HS6ST3: variants seen among roughly 807,000 people sequenced by gnomAD.
HS6ST3 encodes heparan sulfate 6-O-sulfotransferase 3, also known as heparan-sulfate 6-O-sulfotransferase 3.
In HS6ST3, 12 loss-of-function variants were observed where a neutral mutation model predicts 36.7. The ratio of observed to expected loss-of-function variants is 0.33; its 90% confidence interval spans 0.21 to 0.53. HS6ST3 has a LOEUF of 0.53. Ranked by LOEUF, HS6ST3 falls within the 20% of genes least tolerant of loss-of-function variation. The probability of loss-of-function intolerance (pLI) is 0.95; values close to 1 mark genes in which losing one functional copy is unlikely to be tolerated. For synonymous variants in HS6ST3, 240 were observed against 257.5 expected (o/e 0.93, Z 0.65); for missense variants, 584 against 640.9 (o/e 0.91, Z 0.96).
chr13:96,703,614 A>G (rs1417865150), intron 1 of HS6ST3, among the ~76,000 whole-genome samples: 4 of 152,054 alleles, frequency 2.6e-5, no homozygotes, highest in Non-Finnish European at 4.4e-5. Context: ...ATTATGTTCT[A>G]TTTGCTGGAT....
At chr13:96,114,295 G>A (rs969104673) in intron 1 of HS6ST3, among the ~76,000 whole-genome samples, 2 of 152,044 alleles carry the variant, frequency 1.3e-5, no homozygotes, top group Non-Finnish European at 2.9e-5. Context: ...TGGGCTACAA[G>A]GTTGTCACCG....
At position 96,128,882 on chromosome 13, in the gene HS6ST3, T is replaced by C. The variant is rs570438937; in HGVS notation, c.707+37313T>C. On this transcript the variant is annotated intron_variant, in intron 1 of 1. Coordinates refer to ENST00000376705, the MANE Select transcript of HS6ST3 (RefSeq NM_153456.4). ...TTTTTTTTTGGCGGAGTTTTGCTCT[T>C]GTTGCCAGACTGGAGTGCATTGGGG... Among the ~76,000 whole-genome samples, 11 of 152,048 alleles carry C rather than the reference T, an allele frequency of 7.2e-5. No individual in the cohort carries two copies. In the South Asian group the frequency reaches 2.3e-3, roughly 32 times the overall value.
intron 1 of HS6ST3, among the ~76,000 whole-genome samples, chr13:96,793,466 G>C (rs187932864): frequency 6.6e-6 from 1 of 152,060 alleles, no homozygotes; most frequent in African/African-American, 2.4e-5. Flanking sequence ...ATTGATAAAT[G>C]TGATGGCAAG....
intron 1 of HS6ST3, among the ~76,000 whole-genome samples, chr13:96,359,423 T>G (rs1285865079): frequency 6.6e-6 from 1 of 152,236 alleles, no homozygotes; most frequent in Non-Finnish European, 1.5e-5. Flanking sequence ...TGTCTACTTA[T>G]GTAGGTTGAT....
At chr13:96,798,742 A>G (rs1039963138) in intron 1 of HS6ST3, among the ~76,000 whole-genome samples, 1 of 151,836 alleles carries the variant, frequency 6.6e-6, no homozygotes, top group Non-Finnish European at 1.5e-5. Flanking sequence ...GTGTGTCTCC[A>G]TGTGTGTGTA....
chr13:96,431,962 C>T (rs573030452), intron 1 of HS6ST3, among the ~76,000 whole-genome samples: 6 of 152,166 alleles, frequency 3.9e-5, no homozygotes, highest in Non-Finnish European at 8.8e-5. Flanking sequence ...CTGCTTACTC[C>T]ATTTCATTCC....
At chr13:96,537,500 A>G (rs1246182110) in intron 1 of HS6ST3, among the ~76,000 whole-genome samples, 3 of 152,202 alleles carry the variant, frequency 2.0e-5, no homozygotes, top group African/African-American at 7.2e-5. Flanking sequence ...CCTATTAGGC[A>G]TTGATTTCTC....
intron 1 of HS6ST3, among the ~76,000 whole-genome samples, chr13:96,784,004 G>A (rs1877583196): frequency 6.6e-6 from 1 of 151,246 alleles, no homozygotes; most frequent in African/African-American, 2.4e-5. Flanking sequence ...GGCCTCTCTT[G>A]ATCTTCATAT....
At position 96,475,295 on chromosome 13, in the gene HS6ST3, G is replaced by A. The variant is rs189285785; in HGVS notation, c.708-357195G>A. Among the ~76,000 whole-genome samples the A allele has an allele frequency of 2.6e-5, 4 of 152,218 alleles. No homozygotes were observed. The East Asian group carries it at 7.7e-4, about 29-fold the overall frequency. ...CTGGTTTAAGCTATGCCTTGCAACA[G>A]GACAGTCCGTGCTCCTGTAGCTCTG... On this transcript the variant is annotated intron_variant, in intron 1 of 1. Coordinates refer to ENST00000376705, the MANE Select transcript of HS6ST3 (RefSeq NM_153456.4).
At chr13:96,436,343 A>G (rs2139477628) in intron 1 of HS6ST3, among the ~76,000 whole-genome samples, 2 of 152,342 alleles carry the variant, frequency 1.3e-5, no homozygotes, top group East Asian at 3.9e-4. Context: ...GTACCTTTGT[A>G]TAAATCCATA....
intron 1 of HS6ST3, among the ~76,000 whole-genome samples, chr13:96,708,458 G>A (rs375438827): frequency 7.2e-5 from 11 of 152,062 alleles, no homozygotes; most frequent in African/African-American, 2.4e-4. Context: ...GAGGGAGGTC[G>A]GAAAAATATT....
At chr13:96,259,266 A>G (rs2054652737) in intron 1 of HS6ST3, among the ~76,000 whole-genome samples, 2 of 152,160 alleles carry the variant, frequency 1.3e-5, no homozygotes, top group Non-Finnish European at 2.9e-5. Context: ...AAGGCCTTTC[A>G]AGACATGATA....
chr13:96,270,846 C>G (rs1486093676), intron 1 of HS6ST3, among the ~76,000 whole-genome samples: 1 of 151,778 alleles, frequency 6.6e-6, no homozygotes, highest in East Asian at 1.9e-4. Context: ...TTGCCAGGAC[C>G]CAGATCTTTC....
intron 1 of HS6ST3, among the ~76,000 whole-genome samples, chr13:96,623,545 A>G (rs2138996266): frequency 6.6e-6 from 1 of 152,144 alleles, no homozygotes; most frequent in South Asian, 2.1e-4. Context: ...ACGTTCAACC[A>G]ACAAGATAAG....
intron 1 of HS6ST3, among the ~76,000 whole-genome samples, chr13:96,342,800 A>G (rs2055137012): frequency 6.6e-6 from 1 of 152,212 alleles, no homozygotes; most frequent in Admixed American, 6.5e-5. Flanking sequence ...TTATCTCCGC[A>G]CATTTCTGGT....
chr13:96,185,679 C>T, intron 1 of HS6ST3, among the ~76,000 whole-genome samples: 1 of 152,214 alleles, frequency 6.6e-6, no homozygotes, highest in East Asian at 1.9e-4. Flanking sequence ...TATACCAAAA[C>T]ACACAAACAT....
At chr13:96,268,405 C>T (rs1462223903) in intron 1 of HS6ST3, among the ~76,000 whole-genome samples, 1 of 151,856 alleles carries the variant, frequency 6.6e-6, no homozygotes, top group Non-Finnish European at 1.5e-5. Flanking sequence ...CTTTACAAAA[C>T]CATCAGATCT....
rs540463467 is a variant in HS6ST3, at chr13:96,507,633, A to G, written c.708-324857A>G. 6.6e-5 allele frequency among the ~76,000 whole-genome samples: 10 copies of G among 152,120 alleles called. No homozygotes were observed. The South Asian group carries it at 1.9e-3, about 28-fold the overall frequency. On this transcript the variant is annotated intron_variant, in intron 1 of 1. Coordinates refer to ENST00000376705, the MANE Select transcript of HS6ST3 (RefSeq NM_153456.4). ...AAGAACGGCTCCAGTCACTGCTACC[A>G]TGTCCTTGCTATTCTACTTTATTTT...
chr13:96,464,298 ACTC>A (rs2055801611), intron 1 of HS6ST3, among the ~76,000 whole-genome samples: 1 of 151,580 alleles, frequency 6.6e-6, no homozygotes, highest in Non-Finnish European at 1.5e-5. Context: ...TGCTATATAA[ACTC>A]CTAATTTTAA....
Sources: gnomAD v4.1 joint callset for allele counts (sites outside exome capture counted in the v4.1 genomes callset) on GRCh38, gnomAD v4.1.1 for gene constraint, MANE v1.5 for transcripts, NCBI Gene and HGNC (gene_info 2026-07-23, HGNC 2026-07-21) for gene names.